Variants in TPD52L1 observed in about 807,000 individuals in gnomAD.
The protein encoded by TPD52L1 is tumor protein D53.
A neutral mutation model predicts 28.7 loss-of-function variants in TPD52L1; 18 were observed. The ratio of observed to expected loss-of-function variants is 0.63; its 90% CI spans 0.43 to 0.93. TPD52L1 has a LOEUF of 0.93. Among genes scored for constraint, TPD52L1 ranks in the 40% least tolerant of loss-of-function variants. The probability of loss-of-function intolerance (pLI) is 0.00; values close to 1 mark genes in which losing one functional copy is unlikely to be tolerated. For synonymous variants in TPD52L1, 75 were observed against 88.8 expected (o/e 0.84, Z 0.88); for missense variants, 203 against 254.8 (o/e 0.80, Z 1.39).
intron 3 of TPD52L1, among the ~76,000 whole-genome samples, chr6:125,242,046 A>G (rs1796644139): frequency 6.6e-6 from 1 of 151,976 alleles, no homozygotes; most frequent in Non-Finnish European, 1.5e-5. Context: ...CAGTTCAAAG[A>G]ATTTTTTAAT....
At chr6:125,197,743 A>T (rs1272656439) in intron 1 of TPD52L1, among the ~76,000 whole-genome samples, 1 of 152,176 alleles carries the variant, frequency 6.6e-6, no homozygotes, top group Non-Finnish European at 1.5e-5. Context: ...GCCCCATCCA[A>T]TTTTCAGAGT....
rs147921941 is a variant in TPD52L1, at chr6:125,173,404, C to T, written c.19+19434C>T. 1.8e-4 allele frequency among the ~76,000 whole-genome samples: 27 copies of T among 152,264 alleles called. No homozygotes were observed. In the East Asian group the frequency reaches 4.8e-3, roughly 27 times the overall value. On this transcript the variant is annotated intron_variant, in intron 1 of 6. Coordinates refer to ENST00000534000, the MANE Select transcript of TPD52L1 (RefSeq NM_003287.4). Reference sequence around the variant, plus strand: ...CTGGGTAATTGTTTTCTGTTGTTCTCTGCCATTTTTCTCTTGATTAAACCC... The same window carrying T: ...CTGGGTAATTGTTTTCTGTTGTTCTTTGCCATTTTTCTCTTGATTAAACCC...
At chr6:125,154,231 C>T (rs1052425180) in intron 1 of TPD52L1, 69 of 1,288,524 alleles carry the variant, frequency 5.4e-5, no homozygotes, top group Admixed American at 1.2e-4. Flanking sequence ...GAATGCTCTA[C>T]CCTCTTCCGC....
intron 1 of TPD52L1, among the ~76,000 whole-genome samples, chr6:125,210,075 A>C (rs1049645216): frequency 2.0e-5 from 3 of 152,206 alleles, no homozygotes; most frequent in African/African-American, 7.2e-5. Context: ...CCAATGAAAA[A>C]TGAGGCTTAT....
chr6:125,189,679 T>C (rs760114781), intron 1 of TPD52L1, among the ~76,000 whole-genome samples: 5 of 152,168 alleles, frequency 3.3e-5, no homozygotes, highest in Admixed American at 6.5e-5. Context: ...TGGGGAAAGG[T>C]TGGCAACCTC....
intron 4 of TPD52L1, chr6:125,251,934 G>A: frequency 7.1e-7 from 1 of 1,412,104 alleles, no homozygotes. Context: ...GCCCTTGAAA[G>A]GGGACCACCA....
intron 1 of TPD52L1, among the ~76,000 whole-genome samples, chr6:125,177,187 C>T (rs1413045532): frequency 1.3e-5 from 2 of 152,150 alleles, no homozygotes; most frequent in East Asian, 3.9e-4. Context: ...ATGGCTAGCT[C>T]ATCATTGGCC....
At chr6:125,229,491 C>T (rs766489612) in intron 3 of TPD52L1, among the ~76,000 whole-genome samples, 7 of 152,220 alleles carry the variant, frequency 4.6e-5, no homozygotes, top group Non-Finnish European at 8.8e-5. Context: ...TTCACTGAAA[C>T]TCTATTTTCA....
At chr6:125,216,658 A>G (rs545239730) in intron 1 of TPD52L1, among the ~76,000 whole-genome samples, 2 of 150,688 alleles carry the variant, frequency 1.3e-5, no homozygotes, top group African/African-American at 4.9e-5. Context: ...ATTAATGTTG[A>G]TTTTAATTAA....
intron 4 of TPD52L1, 80 bp from the exon 5 acceptor site, chr6:125,253,637 C>T (rs1234126337): frequency 1.2e-5 from 15 of 1,261,220 alleles, no homozygotes; most frequent in South Asian, 8.9e-5. Context: ...TTTAGAACTA[C>T]GAATAGGGAG....
At chr6:125,255,215 A>G (rs140901753) in intron 5 of TPD52L1, among the ~76,000 whole-genome samples, 1 of 152,304 alleles carries the variant, frequency 6.6e-6, no homozygotes, top group African/African-American at 2.4e-5. Flanking sequence ...TGTAGTCTGC[A>G]TGAGCTTGCC....
chr6:125,204,230 T>C (rs1793969522), intron 1 of TPD52L1, among the ~76,000 whole-genome samples: 2 of 152,184 alleles, frequency 1.3e-5, no homozygotes, highest in African/African-American at 4.8e-5. Flanking sequence ...AGGTATAAAC[T>C]CAAGCAGAAC....
chr6:125,172,512 C>CCA (rs201474559), intron 1 of TPD52L1, among the ~76,000 whole-genome samples: 9 of 16,396 alleles, frequency 5.5e-4, no homozygotes, highest in Admixed American at 1.1e-3. Flanking sequence ...CTCTTTCATG[C>CCA]TATATATATA....
At chr6:125,167,085 C>T (rs1790962284) in intron 1 of TPD52L1, among the ~76,000 whole-genome samples, 1 of 151,930 alleles carries the variant, frequency 6.6e-6, no homozygotes, top group Non-Finnish European at 1.5e-5. Flanking sequence ...AGCAAGACCT[C>T]GTCTCTACTA....
chr6:125,233,662 CA>C (rs1796086120), intron 3 of TPD52L1, among the ~76,000 whole-genome samples: 1 of 152,078 alleles, frequency 6.6e-6, no homozygotes, highest in Admixed American at 6.5e-5. Flanking sequence ...CATATTCAAC[CA>C]TTAAAGGAAC....
chr6:125,253,709 C>T lies in TPD52L1; in HGVS notation c.387-8C>T, dbSNP rs1031221526. On this transcript the variant is annotated splice_polypyrimidine_tract_variant and splice_region_variant and intron_variant, in intron 4 of 6. Transcript: ENST00000534000. ...TTTTTTCCCCTTTAATCTGCTTTTG[C>T]TCTGAAGTTACTCCATTCGCCATTC... The T allele has an allele frequency of 1.2e-6, 2 of 1,612,768 alleles. No homozygotes were observed. The highest frequency in any genetic ancestry group is 2.7e-5 in the African/African-American group (2 of 74,860).
At chr6:125,188,073 C>A (rs1384471309) in intron 1 of TPD52L1, among the ~76,000 whole-genome samples, 2 of 152,042 alleles carry the variant, frequency 1.3e-5, no homozygotes, top group Admixed American at 6.6e-5. Context: ...TATGGCATCA[C>A]CTATTGAATG....
intron 1 of TPD52L1, among the ~76,000 whole-genome samples, chr6:125,214,835 T>G (rs1794756638): frequency 6.6e-6 from 1 of 152,212 alleles, no homozygotes; most frequent in Non-Finnish European, 1.5e-5. Flanking sequence ...TCAAGTATAT[T>G]ATCTGATTTA....
chr6:125,217,360 G>A (rs2114953005), intron 1 of TPD52L1, among the ~76,000 whole-genome samples: 1 of 152,238 alleles, frequency 6.6e-6, no homozygotes, highest in Admixed American at 6.5e-5. Context: ...TGGGAGCCCT[G>A]AGCTTGTTTT....
Sources: allele counts gnomAD v4.1 joint callset (sites outside exome capture counted in the v4.1 genomes callset), GRCh38; gene constraint gnomAD v4.1.1; transcripts MANE v1.5; gene names NCBI Gene and HGNC (gene_info 2026-07-23, HGNC 2026-07-21).